WDR70: variants seen among roughly 807,000 people sequenced by gnomAD.
WDR70 encodes the protein WD repeat-containing protein 70.
Under a neutral mutation model 88.6 loss-of-function variants are expected in WDR70, and 53 were observed. The ratio of observed to expected loss-of-function variants is 0.60; its 90% CI spans 0.48 to 0.75. The LOEUF is 0.75. Among genes scored for constraint, WDR70 ranks in the 30% least tolerant of loss-of-function variants. WDR70 has a pLI of 0.00. For synonymous variants in WDR70, 280 were observed against 270.0 expected (o/e 1.04, Z -0.36); for missense variants, 610 against 823.2 (o/e 0.74, Z 3.17).
chr5:37,709,748 A>C (rs1451539942), intron 13 of WDR70, among the ~76,000 whole-genome samples: 1 of 144,666 alleles, frequency 6.9e-6, no homozygotes, highest in East Asian at 1.9e-4. Flanking sequence ...TATTTTCTTT[A>C]ATCACTGAAG....
chr5:37,606,946 C>A (rs1744048965), intron 10 of WDR70, among the ~76,000 whole-genome samples: 1 of 128,032 alleles, frequency 7.8e-6, no homozygotes, highest in Non-Finnish European at 1.6e-5. Context: ...CCCTCCCATC[C>A]CCTTTCTTTT....
chr5:37,636,224 G>A (rs1259676793), intron 10 of WDR70, among the ~76,000 whole-genome samples: 7 of 152,058 alleles, frequency 4.6e-5, no homozygotes, highest in African/African-American at 1.7e-4. Context: ...ACCGAATCAG[G>A]GGCAAGTCTG....
intron 9 of WDR70, among the ~76,000 whole-genome samples, chr5:37,549,639 T>C (rs114578760): frequency 3.9e-4 from 60 of 152,306 alleles, no homozygotes; most frequent in Non-Finnish European, 7.8e-4. Flanking sequence ...AGGTTTCTTT[T>C]ATCTGATCAC....
rs1366250770 is a variant in WDR70, at chr5:37,557,765, A to G, written c.917+41175A>G. Reference sequence around the variant, plus strand: ...GGTTCATGGTAATTCTAAATATCTTATTAAATCAACATATATTTCATGGCT... The same window carrying G: ...GGTTCATGGTAATTCTAAATATCTTGTTAAATCAACATATATTTCATGGCT... On this transcript the variant is annotated intron_variant, in intron 9 of 17. Transcript: ENST00000265107. Among the ~76,000 whole-genome samples the G allele has an allele frequency of 4.6e-5, 7 of 151,924 alleles. No individual in the cohort carries two copies. The South Asian group carries it at 1.2e-3, about 27-fold the overall frequency.
intron 13 of WDR70, among the ~76,000 whole-genome samples, chr5:37,715,272 C>CAGGA (rs1747621793): frequency 6.6e-6 from 1 of 150,860 alleles, no homozygotes; most frequent in Non-Finnish European, 1.5e-5. Flanking sequence ...CACCATTGCA[C>CAGGA]TCCTATCTGG....
intron 5 of WDR70, among the ~76,000 whole-genome samples, chr5:37,404,809 C>T (rs1469985790): frequency 1.3e-5 from 2 of 152,106 alleles, no homozygotes; most frequent in African/African-American, 4.8e-5. Context: ...TGAAAATGTT[C>T]ATTTCCTTTA....
intron 5 of WDR70, among the ~76,000 whole-genome samples, chr5:37,423,602 C>G (rs1750021336): frequency 7.7e-6 from 1 of 129,766 alleles, no homozygotes; most frequent in Non-Finnish European, 1.6e-5. Context: ...CTTGCACTGT[C>G]TCCCAGGCTG....
At chr5:37,427,489 C>T (rs1383163563) in intron 5 of WDR70, among the ~76,000 whole-genome samples, 2 of 152,106 alleles carry the variant, frequency 1.3e-5, no homozygotes, top group Admixed American at 1.3e-4. Context: ...CATGTACACA[C>T]ACATGCATAA....
chr5:37,446,556 G>T (rs1423945576), intron 7 of WDR70, among the ~76,000 whole-genome samples: 12 of 152,210 alleles, frequency 7.9e-5, no homozygotes, highest in South Asian at 6.2e-4. Flanking sequence ...AAGGCTACAG[G>T]AACCAAAACG....
At chr5:37,707,773 G>T (rs1413369910) in intron 13 of WDR70, among the ~76,000 whole-genome samples, 1 of 151,018 alleles carries the variant, frequency 6.6e-6, no homozygotes, top group Non-Finnish European at 1.5e-5. Context: ...AATCAGCCAG[G>T]TGTGGTGGTA....
chr5:37,667,279 C>T (rs747660180), intron 10 of WDR70, among the ~76,000 whole-genome samples: 1 of 152,224 alleles, frequency 6.6e-6, no homozygotes, highest in Non-Finnish European at 1.5e-5. Context: ...TCATTTCACT[C>T]AGCCTCAGTT....
At chr5:37,486,900 C>T (rs910764634) in intron 8 of WDR70, among the ~76,000 whole-genome samples, 1 of 151,932 alleles carries the variant, frequency 6.6e-6, no homozygotes, top group African/African-American at 2.4e-5. Context: ...AAAAATTTCT[C>T]CCATTCTGTA....
In WDR70 at chr5:37,753,023, C is replaced by T. The variant is rs951034021; in HGVS notation, c.*450C>T. 3.2e-5 allele frequency: 5 copies of T among 156,470 alleles called. No homozygotes were observed. Among genetic ancestry groups the T allele is most frequent in the African/African-American group, 1.2e-4 (5 of 41,570 alleles). The allele number at this position is 156,470 out of a possible 1,614,324, so 9.7% of individuals were successfully genotyped here. On this transcript the variant is annotated 3_prime_UTR_variant, in exon 18 of 18. Transcript: ENST00000265107. ...GTAATTAATTAGGCTGAGTTCAAAC[C>T]AAATACATTGCCATACTGGGAAAGA...
At chr5:37,553,637 CT>C (rs1328028619) in intron 9 of WDR70, among the ~76,000 whole-genome samples, 1 of 152,180 alleles carries the variant, frequency 6.6e-6, no homozygotes, top group Non-Finnish European at 1.5e-5. Flanking sequence ...AAATCACCAC[CT>C]TTATTGAGTG....
chr5:37,675,583 A>G (rs1176746405), intron 10 of WDR70, among the ~76,000 whole-genome samples: 1 of 152,044 alleles, frequency 6.6e-6, no homozygotes, highest in African/African-American at 2.4e-5. Context: ...GTTCTGTTCC[A>G]TTGATCTATA....
chr5:37,551,727 CAA>C (rs111767188), intron 9 of WDR70, among the ~76,000 whole-genome samples: 7 of 97,308 alleles, frequency 7.2e-5, no homozygotes, highest in Admixed American at 1.1e-4. Flanking sequence ...GACTCTTTCT[CAA>C]AAAAAAAAAA....
chr5:37,533,091 G>A (rs555039093), intron 9 of WDR70, among the ~76,000 whole-genome samples: 9 of 152,280 alleles, frequency 5.9e-5, no homozygotes, highest in African/African-American at 1.7e-4. Context: ...GGGTGTGTCC[G>A]CAAAGAGTCC....
chr5:37,681,065 C>T (rs919227897), intron 10 of WDR70, among the ~76,000 whole-genome samples: 3 of 152,080 alleles, frequency 2.0e-5, no homozygotes, highest in Non-Finnish European at 1.5e-5. Context: ...TCTTCCTATC[C>T]ATGAGCATGG....
intron 9 of WDR70, among the ~76,000 whole-genome samples, chr5:37,589,672 C>G (rs1034758715): frequency 6.6e-6 from 1 of 152,080 alleles, no homozygotes; most frequent in African/African-American, 2.4e-5. Flanking sequence ...CCTCTGCCTC[C>G]TGGGTTCAAG....
Sources: allele counts gnomAD v4.1 joint callset (sites outside exome capture counted in the v4.1 genomes callset), GRCh38; gene constraint gnomAD v4.1.1; transcripts MANE v1.5; gene names NCBI Gene and HGNC (gene_info 2026-07-23, HGNC 2026-07-21).